XPR1: variants seen among roughly 807,000 people sequenced by gnomAD.
XPR1 encodes the protein xenotropic and polytropic retrovirus receptor 1, also known as solute carrier family 53 member 1.
Under a neutral mutation model 87.5 loss-of-function variants are expected in XPR1, and 28 were observed. The observed-to-expected ratio is 0.32, with a 90% CI of 0.24 to 0.44. The LOEUF (loss-of-function observed/expected upper bound fraction) is 0.44. Among genes scored for constraint, XPR1 ranks in the 20% least tolerant of loss-of-function variants. The probability of loss-of-function intolerance (pLI) is 1.00; values close to 1 mark genes in which losing one functional copy is unlikely to be tolerated. For missense variants in XPR1, 559 were observed against 862.3 expected (o/e 0.65, Z 4.41); for synonymous variants, 300 against 306.1 (o/e 0.98, Z 0.21).
At chr1:180,775,669 G>C (rs1648688946) in intron 2 of XPR1, among the ~76,000 whole-genome samples, 1 of 152,060 alleles carries the variant, frequency 6.6e-6, no homozygotes, top group Admixed American at 6.6e-5. Context: ...ATACTTTGTG[G>C]TATATAAAGT....
chr1:180,712,797 C>T (rs1657845069), intron 2 of XPR1, among the ~76,000 whole-genome samples: 1 of 151,896 alleles, frequency 6.6e-6, no homozygotes, highest in African/African-American at 2.4e-5. Context: ...CAGAATGAGA[C>T]TCTGTCTCAA....
rs982145055 is a variant in XPR1, at chr1:180,769,190, A to G, written c.122-18563A>G. 2.6e-5 allele frequency among the ~76,000 whole-genome samples: 4 copies of G among 152,306 alleles called. No homozygotes were observed. The East Asian group carries it at 7.7e-4, about 29-fold the overall frequency. The stretch of plus-strand genomic sequence containing the variant: ...ATGCTTTCATACAGGGATGCAATGC[A>G]TAGTAGTCACATCATGGAGAATGAG... On this transcript the variant is annotated intron_variant, in intron 2 of 14. Coordinates refer to ENST00000367590, the MANE Select transcript of XPR1 (RefSeq NM_004736.4).
At chr1:180,849,583 TGTG>T (rs1325847309) in intron 11 of XPR1, among the ~76,000 whole-genome samples, 1 of 152,208 alleles carries the variant, frequency 6.6e-6, no homozygotes, top group Non-Finnish European at 1.5e-5. Flanking sequence ...TGTAAACAGA[TGTG>T]GTGTTGAGCA....
intron 2 of XPR1, among the ~76,000 whole-genome samples, chr1:180,706,808 CA>C (rs1306798943): frequency 2.0e-5 from 3 of 151,754 alleles, no homozygotes; most frequent in African/African-American, 7.3e-5. Context: ...TTAGTAGAGA[CA>C]GGATTTTACC....
chr1:180,854,130 A>G (rs1449296411), intron 11 of XPR1, among the ~76,000 whole-genome samples: 3 of 152,262 alleles, frequency 2.0e-5, no homozygotes, highest in African/African-American at 4.8e-5. Flanking sequence ...ACTTATCCTC[A>G]TATAAGTCTG....
At chr1:180,728,324 T>G (rs544054386) in intron 2 of XPR1, among the ~76,000 whole-genome samples, 1 of 142,606 alleles carries the variant, frequency 7.0e-6, no homozygotes. Flanking sequence ...ATGAAAACTA[T>G]GTTGATGGGG....
At chr1:180,803,647 A>C in intron 4 of XPR1, 36 bp downstream of exon 4, 1 of 1,549,256 alleles carries the variant, frequency 6.5e-7, no homozygotes. Context: ...TGGCACCTTT[A>C]AGTAAATGAG....
At chr1:180,776,812 A>G (rs1409630453) in intron 2 of XPR1, among the ~76,000 whole-genome samples, 3 of 152,148 alleles carry the variant, frequency 2.0e-5, no homozygotes, top group African/African-American at 4.8e-5. Flanking sequence ...ATCTAGTGCC[A>G]GTGAGATTGA....
At chr1:180,854,023 GTC>G (rs1651958465) in intron 11 of XPR1, among the ~76,000 whole-genome samples, 1 of 152,122 alleles carries the variant, frequency 6.6e-6, no homozygotes, top group Non-Finnish European at 1.5e-5. Context: ...AAAAAATGAT[GTC>G]TACAAAATGT....
At chr1:180,689,410 TACTAG>T (rs1421074826) in intron 2 of XPR1, among the ~76,000 whole-genome samples, 8 of 152,180 alleles carry the variant, frequency 5.3e-5, no homozygotes, top group African/African-American at 1.7e-4. Context: ...CTTTGAAAAA[TACTAG>T]ACTATTTAAC....
At chr1:180,747,299 A>T (rs897098856) in intron 2 of XPR1, among the ~76,000 whole-genome samples, 1 of 152,198 alleles carries the variant, frequency 6.6e-6, no homozygotes, top group Non-Finnish European at 1.5e-5. Context: ...ATCTTTTATC[A>T]GTCTTCACTG....
chr1:180,783,548 A>T (rs996069402), intron 2 of XPR1, among the ~76,000 whole-genome samples: 2 of 152,036 alleles, frequency 1.3e-5, no homozygotes, highest in African/African-American at 4.8e-5. Context: ...CTATGAATGT[A>T]CATATGAATA....
At chr1:180,674,897 A>T (rs1024149504) in intron 1 of XPR1, among the ~76,000 whole-genome samples, 2 of 152,146 alleles carry the variant, frequency 1.3e-5, no homozygotes, top group African/African-American at 4.8e-5. Context: ...CACCACATTG[A>T]TGTTACAATT....
intron 11 of XPR1, among the ~76,000 whole-genome samples, chr1:180,837,611 A>G (rs1325491748): frequency 1.3e-5 from 2 of 152,202 alleles, no homozygotes; most frequent in East Asian, 1.9e-4. Flanking sequence ...GCAGCAGATG[A>G]TATTTATAAT....
At chr1:180,709,318 T>C (rs1657674958) in intron 2 of XPR1, among the ~76,000 whole-genome samples, 2 of 152,254 alleles carry the variant, frequency 1.3e-5, no homozygotes, top group Non-Finnish European at 2.9e-5. Flanking sequence ...ATAAACTGTA[T>C]ATATTTAAAG....
chr1:180,829,325 C>T (rs772904110), intron 9 of XPR1, among the ~76,000 whole-genome samples: 87 of 152,202 alleles, frequency 5.7e-4, no homozygotes, highest in Admixed American at 5.9e-4. Flanking sequence ...AATACTGTTA[C>T]TCTAGGAATT....
intron 2 of XPR1, among the ~76,000 whole-genome samples, chr1:180,742,924 C>T (rs1411146012): frequency 6.6e-6 from 1 of 151,902 alleles, no homozygotes; most frequent in African/African-American, 2.4e-5. Flanking sequence ...TTGATGCTTA[C>T]TTTGATATTA....
At chr1:180,722,410 AAATT>A (rs1658206416) in intron 2 of XPR1, among the ~76,000 whole-genome samples, 1 of 152,156 alleles carries the variant, frequency 6.6e-6, no homozygotes, top group Non-Finnish European at 1.5e-5. Context: ...ATGTTACTTT[AAATT>A]AACATACACA....
At chr1:180,680,417 A>G (rs1260019789) in intron 1 of XPR1, among the ~76,000 whole-genome samples, 1 of 117,386 alleles carries the variant, frequency 8.5e-6, no homozygotes. Context: ...CCAGACTGGG[A>G]TGCAGTGGTG....
Sources: gnomAD v4.1 joint callset for allele counts (sites outside exome capture counted in the v4.1 genomes callset) on GRCh38, gnomAD v4.1.1 for gene constraint, MANE v1.5 for transcripts, NCBI Gene and HGNC (gene_info 2026-07-23, HGNC 2026-07-21) for gene names.